Variants in MMADHC observed in about 807,000 individuals in gnomAD.
MMADHC encodes the protein cobalamin trafficking protein CblD.
MMADHC carries 23 observed loss-of-function variants against 36.3 expected under a neutral mutation model. The ratio of observed to expected loss-of-function variants is 0.63; its 90% CI spans 0.46 to 0.90. The LOEUF (loss-of-function observed/expected upper bound fraction) is 0.90, where lower values mean the gene tolerates loss of function less well. Ranked by LOEUF, MMADHC falls within the 40% of genes least tolerant of loss-of-function variation. MMADHC has a pLI of 0.00. For missense variants in MMADHC, 330 were observed against 348.0 expected (o/e 0.95, Z 0.41); for synonymous variants, 97 against 116.1 (o/e 0.84, Z 1.06).
At chr2:149,575,610 T>C in intron 6 of MMADHC, 101 bp downstream of exon 6, 1 of 1,018,550 alleles carries the variant, frequency 9.8e-7, no homozygotes, top group South Asian at 1.9e-5. Flanking sequence ...TGGCAGAAAA[T>C]GAATAAAGGG....
intron 3 of MMADHC, 24 bp downstream of exon 3, chr2:149,582,098 TAAGTA>T (rs1183613368): frequency 6.2e-7 from 1 of 1,612,358 alleles, no homozygotes; most frequent in Non-Finnish European, 8.5e-7. Flanking sequence ...GAAACAATTA[TAAGTA>T]AAGCAGTAAC....
chr2:149,578,154 G>A (rs1251371185), intron 4 of MMADHC, among the ~76,000 whole-genome samples: 2 of 152,122 alleles, frequency 1.3e-5, no homozygotes, highest in African/African-American at 4.8e-5. Context: ...TCTTCATTGT[G>A]TGTCATGCTA....
At position 149,572,524 on chromosome 2, in the gene MMADHC, A is replaced by AT. The variant is rs1409031833; in HGVS notation, c.610-1354dup. ...AAGGGAAACAAATGAAGTAATCCCT[A>AT]TATCTGCTCTAGCTTTCTGTCTGTG... is the stretch of plus-strand genomic sequence containing the variant. On this transcript the variant is annotated intron_variant, in intron 6 of 7. Transcript: ENST00000303319. Among the ~76,000 whole-genome samples, 3 of 152,146 alleles carry AT rather than the reference A, an allele frequency of 2.0e-5. No homozygotes were observed. In the East Asian group the frequency reaches 5.8e-4, roughly 29 times the overall value.
chr2:149,582,360 G>T, intron 2 of MMADHC, 89 bp from the exon 3 acceptor site: 2 of 1,386,586 alleles, frequency 1.4e-6, no homozygotes, highest in African/African-American at 1.4e-5. Context: ...CACACTGCAA[G>T]GTTCTTTTAA....
chr2:149,572,422 A>G (rs76668058), intron 6 of MMADHC: 2 of 221,338 alleles, frequency 9.0e-6, no homozygotes, highest in Non-Finnish European at 1.9e-5. Flanking sequence ...GTAAAACTAT[A>G]AAACTGATCA....
chr2:149,577,830 C>T (rs1345038651), intron 4 of MMADHC, among the ~76,000 whole-genome samples: 4 of 152,060 alleles, frequency 2.6e-5, no homozygotes, highest in Non-Finnish European at 5.9e-5. Flanking sequence ...CCATCCTAGC[C>T]AACATGGTGA....
intron 4 of MMADHC, among the ~76,000 whole-genome samples, chr2:149,577,670 A>C (rs1051291209): frequency 3.3e-5 from 5 of 151,850 alleles, no homozygotes; most frequent in Admixed American, 6.6e-5. Flanking sequence ...AAAAAAAGAA[A>C]GAAAAAAAAA....
rs1376243068 is a variant in MMADHC at position 149,575,889 on chromosome 2, A to G, written c.479-48T>C. On this transcript the variant is annotated intron_variant, in intron 5 of 7. Coordinates refer to ENST00000303319, the MANE Select transcript of MMADHC (RefSeq NM_015702.3). ...CAGGTAGAAAAGAATTTGATTTTTA[A>G]AGAACAAATTTTTAAAGAAGGATAA... The G allele has an allele frequency of 2.1e-6, 3 of 1,451,772 alleles. No individual in the cohort carries two copies. The African/African-American group carries it at 4.2e-5, about 20-fold the overall frequency. The allele number at this position is 1,451,772 out of a possible 1,614,324, so 89.9% of individuals were successfully genotyped here.
chr2:149,576,091 G>A (rs1048969585), intron 5 of MMADHC, among the ~76,000 whole-genome samples: 1 of 152,036 alleles, frequency 6.6e-6, no homozygotes, highest in East Asian at 1.9e-4. Flanking sequence ...AGGATTACAC[G>A]TTATTTGGGG....
In MMADHC at chr2:149,587,112, A is replaced by T. The variant is rs1558850489; in HGVS notation, c.-15T>A. The T allele has an allele frequency of 6.2e-7, 1 of 1,613,588 alleles. No individual in the cohort carries two copies. Among genetic ancestry groups the T allele is most frequent in the Admixed American group, 1.7e-5 (1 of 60,032 alleles). On this transcript the variant is annotated 5_prime_UTR_variant, in exon 2 of 8. Transcript: ENST00000303319. ...ACATTGGCCATCTCCGCTGGAGAAGATAGTTCGCAAAATAGCTTTCCTTTG... is the reference window on the plus strand; with the variant it reads ...ACATTGGCCATCTCCGCTGGAGAAGTTAGTTCGCAAAATAGCTTTCCTTTG...
Position 149,575,698 on chromosome 2 carries a change from T to C in MMADHC, c.609+13A>G, listed in dbSNP as rs567661357. On this transcript the variant is annotated intron_variant, in intron 6 of 7. Coordinates refer to ENST00000303319, the MANE Select transcript of MMADHC (RefSeq NM_015702.3). The stretch of plus-strand genomic sequence containing the variant: ...GACCATAAAATTAAATTATTAGCAA[T>C]TGAAAGAATTACCTTTTCTAAGAGC... 2.0e-5 allele frequency: 32 copies of C among 1,578,204 alleles called. No homozygotes were observed. The South Asian group carries it at 2.2e-4, about 11-fold the overall frequency.
intron 3 of MMADHC, among the ~76,000 whole-genome samples, chr2:149,581,880 G>C (rs1287849650): frequency 6.6e-6 from 1 of 152,132 alleles, no homozygotes; most frequent in Non-Finnish European, 1.5e-5. Context: ...TTGTTTCAGG[G>C]AAGACTCTAT....
At chr2:149,575,936 C>T in intron 5 of MMADHC, 95 bp from the exon 6 acceptor site, 2 of 978,840 alleles carry the variant, frequency 2.0e-6, no homozygotes, top group Non-Finnish European at 3.0e-6. Context: ...TAGAAAAATG[C>T]TGATTAAGTA....
chr2:149,578,542 A>G (rs1284029511), intron 4 of MMADHC, among the ~76,000 whole-genome samples: 1 of 152,226 alleles, frequency 6.6e-6, no homozygotes, highest in Non-Finnish European at 1.5e-5. Flanking sequence ...TTATAAAAAC[A>G]TAGACTGTGG....
chr2:149,580,034 C>CA (rs2105048521), intron 3 of MMADHC, among the ~76,000 whole-genome samples: 1 of 152,246 alleles, frequency 6.6e-6, no homozygotes, highest in East Asian at 1.9e-4. Context: ...TCCCCATATT[C>CA]ACGTATTGTT....
intron 6 of MMADHC, 49 bp from the exon 7 acceptor site, chr2:149,571,220 T>A (rs1387349132): frequency 8.7e-7 from 1 of 1,146,640 alleles, no homozygotes; most frequent in East Asian, 2.5e-5. Flanking sequence ...TTACTAGAGA[T>A]TGTTTTATTT....
At position 149,576,465 on chromosome 2, in the gene MMADHC, TATTG is replaced by T; in HGVS notation, c.446_449del (p.Ala149AspfsTer19). The T allele has an allele frequency of 6.2e-7, 1 of 1,612,822 alleles. No individual in the cohort carries two copies. The highest frequency in any genetic ancestry group is 8.5e-7 in the Non-Finnish European group (1 of 1,178,868). On this transcript the variant is annotated frameshift_variant, in exon 5 of 8. Coordinates refer to ENST00000303319, the MANE Select transcript of MMADHC (RefSeq NM_015702.3). LOFTEE classifies it high-confidence loss of function. ...TTCGCAGCAATTCTGGACATGTCTG[TATTG>T]CACACTCTACTCTGGCACTTTCAAA... is the stretch of plus-strand genomic sequence containing the variant.
rs12477482 is a variant in MMADHC, at chr2:149,587,756, T to C, written c.-145A>G. The C allele has an allele frequency of 0.014, 2,123 of 152,982 alleles. 28 individuals carry two copies. The highest frequency in any genetic ancestry group is 0.017 in the Middle Eastern group (5 of 296). 9.5% of individuals were successfully genotyped at this position (152,982 alleles called of 1,614,324 possible). A position where few individuals can be genotyped will look rare whatever the true frequency, so the allele number is the denominator to read the frequency against. ...ACGGCAGCGGTGGTAGCACCTACGC[T>C]GGCGGTGAGCAGGCAAAGGAAGTTG... On this transcript the variant is annotated 5_prime_UTR_variant, in exon 1 of 8. Transcript: ENST00000303319.
intron 2 of MMADHC, among the ~76,000 whole-genome samples, chr2:149,584,308 T>A (rs1682832388): frequency 6.6e-6 from 1 of 152,168 alleles, no homozygotes; most frequent in African/African-American, 2.4e-5. Flanking sequence ...ATAGTAATAA[T>A]CAATGTTGGA....
Sources: gnomAD v4.1 joint callset for allele counts (sites outside exome capture counted in the v4.1 genomes callset) on GRCh38, gnomAD v4.1.1 for gene constraint, MANE v1.5 for transcripts, NCBI Gene and HGNC (gene_info 2026-07-23, HGNC 2026-07-21) for gene names.